Variants in CHAF1B observed in about 807,000 individuals in gnomAD.
CHAF1B encodes CAF-1 subunit B.
CHAF1B carries 10 observed loss-of-function variants against 60.7 expected under a neutral mutation model. The observed-to-expected ratio is 0.16, with a 90% CI of 0.10 to 0.28. The LOEUF (loss-of-function observed/expected upper bound fraction) is 0.28. CHAF1B is among the 10% of genes least tolerant of loss of function. CHAF1B has a pLI of 1.00. For synonymous variants in CHAF1B, 261 were observed against 266.1 expected (o/e 0.98, Z 0.19); for missense variants, 558 against 708.4 (o/e 0.79, Z 2.41).
intron 3 of CHAF1B, chr21:36,389,203 G>A (rs76531747): frequency 0.031 from 4,693 of 152,970 alleles, 102 homozygotes; most frequent in Admixed American, 0.047. Context: ...GGAGCATACC[G>A]GGAGTGTCAT....
intron 9 of CHAF1B, among the ~76,000 whole-genome samples, 164 bp from the exon 10 acceptor site, chr21:36,409,210 A>G (rs1007085490): frequency 1.4e-5 from 2 of 140,954 alleles, no homozygotes; most frequent in African/African-American, 5.4e-5. Flanking sequence ...CATGTTGGCC[A>G]GGCTGGTCTT....
chr21:36,409,158 ATTT>A (rs1163222508), intron 9 of CHAF1B, among the ~76,000 whole-genome samples: 5 of 94,630 alleles, frequency 5.3e-5, no homozygotes, highest in Non-Finnish European at 8.7e-5. Flanking sequence ...CCCGGCTTGT[ATTT>A]TTTTTTTTTT....
intron 8 of CHAF1B, among the ~76,000 whole-genome samples, chr21:36,407,737 G>A (rs536132733): frequency 1.7e-4 from 26 of 152,160 alleles, no homozygotes; most frequent in Non-Finnish European, 3.4e-4. Flanking sequence ...CAGCACTTTG[G>A]GAGGCGGAGG....
At chr21:36,409,515 C>A (rs745794653) in intron 10 of CHAF1B, 50 bp downstream of exon 10, 2 of 1,379,496 alleles carry the variant, frequency 1.4e-6, no homozygotes, top group Admixed American at 3.4e-5. Flanking sequence ...CGAAACAGGT[C>A]ACCAGAGTGG....
chr21:36,407,217 G>A (rs1409440485), intron 8 of CHAF1B, among the ~76,000 whole-genome samples: 1 of 151,568 alleles, frequency 6.6e-6, no homozygotes. Context: ...CAGGAGAATC[G>A]CTCCAACCCA....
At chr21:36,391,480 A>T in intron 3 of CHAF1B, 71 bp from the exon 4 acceptor site, 3 of 912,300 alleles carry the variant, frequency 3.3e-6, no homozygotes, top group Non-Finnish European at 5.0e-6. Flanking sequence ...AAAAAAAAAA[A>T]TGAAAATAAA....
Position 36,415,198 on chromosome 21 carries a change from A to AT in CHAF1B, c.1494-94dup, listed in dbSNP as rs1388635280. Reference sequence around the variant, plus strand: ...CAGAAGTTCAGCTGAAAATTTAAGTATTTCCTTTGGTAGTTTTGAAGGTTG... The same window carrying AT: ...CAGAAGTTCAGCTGAAAATTTAAGTATTTTCCTTTGGTAGTTTTGAAGGTTG... On this transcript the variant is annotated intron_variant, in intron 12 of 13. Transcript: ENST00000314103. 4 of 741,496 alleles carry AT rather than the reference A, an allele frequency of 5.4e-6. No individual in the cohort carries two copies. In the East Asian group the frequency reaches 1.0e-4, roughly 19 times the overall value. The allele number at this position is 741,496 out of a possible 1,614,324, so 45.9% of individuals were successfully genotyped here.
At chr21:36,409,277 A>G (rs2086259600) in intron 9 of CHAF1B, 97 bp from the exon 10 acceptor site, 2 of 833,082 alleles carry the variant, frequency 2.4e-6, no homozygotes, top group Non-Finnish European at 3.9e-6. Context: ...CTGGGTTTAT[A>G]GGTGTGAGCC....
intron 2 of CHAF1B, 146 bp from the exon 3 acceptor site, chr21:36,387,452 C>T: frequency 1.1e-6 from 1 of 934,888 alleles, no homozygotes; most frequent in South Asian, 1.7e-5. Context: ...AACTCCTGGC[C>T]TCAAGTGATT....
At chr21:36,416,117 C>T (rs2086317211) in intron 13 of CHAF1B, among the ~76,000 whole-genome samples, 158 bp from the exon 14 acceptor site, 1 of 152,134 alleles carries the variant, frequency 6.6e-6, no homozygotes, top group South Asian at 2.1e-4. Flanking sequence ...CAAAATCGCC[C>T]CTGGTTGAGA....
At chr21:36,395,668 G>A (rs1250573376) in intron 5 of CHAF1B, among the ~76,000 whole-genome samples, 5 of 152,204 alleles carry the variant, frequency 3.3e-5, no homozygotes, top group Non-Finnish European at 7.3e-5. Context: ...GAAGATCAAG[G>A]AAAGCCAGGG....
chr21:36,392,703 G>C (rs1042446805), intron 4 of CHAF1B, among the ~76,000 whole-genome samples: 1 of 151,996 alleles, frequency 6.6e-6, no homozygotes, highest in Non-Finnish European at 1.5e-5. Context: ...GGGCGGCCGG[G>C]CAGAGACGCT....
intron 12 of CHAF1B, among the ~76,000 whole-genome samples, chr21:36,413,953 G>A (rs890563174): frequency 1.8e-4 from 27 of 152,154 alleles, no homozygotes; most frequent in South Asian, 4.1e-4. Context: ...CTGAGACTGC[G>A]TTTGATGTCT....
intron 3 of CHAF1B, 69 bp from the exon 4 acceptor site, chr21:36,391,481 TG>T: frequency 7.6e-6 from 6 of 793,782 alleles, no homozygotes; most frequent in Non-Finnish European, 9.6e-6. Context: ...AAAAAAAAAA[TG>T]AAAATAAAAA....
chr21:36,417,299 C>A lies in CHAF1B; in HGVS notation c.*933C>A, dbSNP rs956750337. On this transcript the variant is annotated 3_prime_UTR_variant, in exon 14 of 14. Coordinates refer to ENST00000314103, the MANE Select transcript of CHAF1B (RefSeq NM_005441.3). ...TATGATACATATATATATATATACA[C>A]ACACACACAAGTATGTGTGTATATA... 6.7e-6 allele frequency: 1 copy of A among 150,064 alleles called. No homozygotes were observed. The highest frequency in any genetic ancestry group is 2.5e-5 in the African/African-American group (1 of 40,684). The allele number at this position is 150,064 out of a possible 1,614,324, so 9.3% of individuals were successfully genotyped here.
intron 4 of CHAF1B, among the ~76,000 whole-genome samples, chr21:36,393,280 G>A (rs145983765): frequency 0.031 from 4,682 of 152,110 alleles, 101 homozygotes; most frequent in Admixed American, 0.047. Flanking sequence ...TGGAGACAGG[G>A]TCTCACTATG....
At position 36,415,328 on chromosome 21, in the gene CHAF1B, T is replaced by A. The variant is rs747201200; in HGVS notation, c.1527T>A (p.Thr509=). The A allele has an allele frequency of 4.3e-6, 7 of 1,612,086 alleles. No individual in the cohort carries two copies. In the East Asian group the frequency reaches 1.6e-4, roughly 36 times the overall value. Residue 509 remains threonine, a synonymous_variant, in exon 13 of 14, where the codon ACT becomes ACA. Transcript: ENST00000314103. ...ACTTAACACCCTTAAAGACGGACAC[T>A]CCACCAAGTTCTGTACCAACCAGTG... The part of the protein sequence containing the change: ...RINLTPLKTD[T]PPSSVPTSVI...
chr21:36,403,405 C>T (rs1366700477), intron 8 of CHAF1B, among the ~76,000 whole-genome samples: 5 of 138,462 alleles, frequency 3.6e-5, no homozygotes, highest in East Asian at 2.1e-4. Flanking sequence ...TGCAGTGAGC[C>T]GAGATCACAC....
intron 5 of CHAF1B, among the ~76,000 whole-genome samples, chr21:36,396,887 C>T (rs2086144560): frequency 6.6e-6 from 1 of 152,158 alleles, no homozygotes; most frequent in African/African-American, 2.4e-5. Context: ...CAGACAGCTT[C>T]TCAGCTTGAA....
Sources: gnomAD v4.1 joint callset for allele counts (sites outside exome capture counted in the v4.1 genomes callset) on GRCh38, gnomAD v4.1.1 for gene constraint, MANE v1.5 for transcripts, NCBI Gene and HGNC (gene_info 2026-07-23, HGNC 2026-07-21) for gene names.